Variants in MMRN1 observed in about 807,000 individuals in gnomAD.
The protein encoded by MMRN1 is multimerin 1, also known as multimerin-1.
MMRN1 carries 94 observed loss-of-function variants against 100.7 expected under a neutral mutation model. The observed-to-expected ratio is 0.93, with a 90% CI of 0.79 to 1.11. The LOEUF (loss-of-function observed/expected upper bound fraction) is 1.11, where lower values mean the gene tolerates loss of function less well. MMRN1 is among the 50% of genes least tolerant of loss of function. MMRN1 has a pLI of 0.00. For missense variants in MMRN1, 1,606 were observed against 1,439.1 expected, an observed-to-expected ratio of 1.12 and a Z score of -1.88; for synonymous variants, 575 against 505.0, an observed-to-expected ratio of 1.14 and a Z score of -1.86.
chr4:89,909,424 T>C (rs773323324), intron 2 of MMRN1, 29 bp downstream of exon 2: 3 of 1,604,160 alleles, frequency 1.9e-6, no homozygotes, highest in South Asian at 1.1e-5. Flanking sequence ...AAATAGCCAC[T>C]GTTTTTGCAC....
upstream of MMRN1, among the ~76,000 whole-genome samples, chr4:89,892,436 T>C (rs1403017429): frequency 1.3e-5 from 2 of 151,640 alleles, no homozygotes; most frequent in Non-Finnish European, 3.0e-5. Flanking sequence ...CAGCCAGTCA[T>C]CTCAGCAATA....
At chr4:89,933,158 A>C (rs1018136252) in intron 5 of MMRN1, among the ~76,000 whole-genome samples, 1 of 152,096 alleles carries the variant, frequency 6.6e-6, no homozygotes, top group African/African-American at 2.4e-5. Context: ...AGTTCCACAG[A>C]TCTCTAGGGC....
At chr4:89,929,223 T>C (rs1206526109) in intron 5 of MMRN1, among the ~76,000 whole-genome samples, 1 of 152,170 alleles carries the variant, frequency 6.6e-6, no homozygotes, top group African/African-American at 2.4e-5. Flanking sequence ...GCTTTATTCA[T>C]TAAAAAACTC....
At chr4:89,944,552 A>G (rs190045013) in intron 6 of MMRN1, among the ~76,000 whole-genome samples, 11 of 152,308 alleles carry the variant, frequency 7.2e-5, no homozygotes, top group Admixed American at 5.2e-4. Flanking sequence ...GCGTGCAGTT[A>G]TATCTCATTG....
At chr4:89,903,023 C>G (rs1168393353) in intron 1 of MMRN1, among the ~76,000 whole-genome samples, 2 of 151,828 alleles carry the variant, frequency 1.3e-5, no homozygotes, top group Non-Finnish European at 2.9e-5. Flanking sequence ...TTGAGATGAA[C>G]TTGTCTTTTG....
intron 6 of MMRN1, among the ~76,000 whole-genome samples, chr4:89,946,382 T>C (rs949515076): frequency 6.6e-6 from 1 of 152,216 alleles, no homozygotes. Context: ...ACAATGTTAC[T>C]GTTTACATGA....
At chr4:89,952,479 C>T (rs1230511374) in intron 7 of MMRN1, among the ~76,000 whole-genome samples, 2 of 152,112 alleles carry the variant, frequency 1.3e-5, no homozygotes, top group South Asian at 2.1e-4. Flanking sequence ...TTTGTAAGTA[C>T]AATTGGCATT....
intron 1 of MMRN1, among the ~76,000 whole-genome samples, chr4:89,898,080 T>A (rs915813624): frequency 6.6e-6 from 1 of 152,144 alleles, no homozygotes; most frequent in African/African-American, 2.4e-5. Flanking sequence ...CATTAGGCCA[T>A]GCAAATGACA....
chr4:89,934,764 TCTC>T, intron 5 of MMRN1, 43 bp from the exon 6 acceptor site: 1 of 1,120,280 alleles, frequency 8.9e-7, no homozygotes, highest in South Asian at 2.4e-5. Context: ...ATGCTTAAAG[TCTC>T]ATATAATTAA....
intron 4 of MMRN1, among the ~76,000 whole-genome samples, chr4:89,924,553 A>G (rs1334276482): frequency 2.6e-5 from 4 of 151,552 alleles, no homozygotes. Flanking sequence ...TAAAAATTTA[A>G]GTGATTTTAA....
chr4:89,944,930 A>G (rs1722941508), intron 6 of MMRN1, among the ~76,000 whole-genome samples: 1 of 152,178 alleles, frequency 6.6e-6, no homozygotes, highest in Non-Finnish European at 1.5e-5. Context: ...TGACAAATAC[A>G]TAGTCGTATA....
chr4:89,919,909 G>C (rs1722035522), intron 3 of MMRN1, among the ~76,000 whole-genome samples: 1 of 152,096 alleles, frequency 6.6e-6, no homozygotes, highest in African/African-American at 2.4e-5. Flanking sequence ...CTATTCAGAA[G>C]TTGTAGCAAA....
intron 3 of MMRN1, among the ~76,000 whole-genome samples, chr4:89,916,120 G>C (rs111549545): frequency 2.0e-5 from 3 of 151,540 alleles, no homozygotes; most frequent in Non-Finnish European, 4.4e-5. Context: ...GTTAAATCCC[G>C]TGTAATAAAT....
chr4:89,924,988 C>T (rs1441197554), intron 4 of MMRN1, among the ~76,000 whole-genome samples: 2 of 152,080 alleles, frequency 1.3e-5, no homozygotes, highest in Non-Finnish European at 1.5e-5. Context: ...TCCATCCCCT[C>T]AAGCATTTAT....
In MMRN1 at chr4:89,953,557, T is replaced by C. The variant is rs909843290; in HGVS notation, c.*139T>C. On this transcript the variant is annotated 3_prime_UTR_variant, in exon 8 of 8. Coordinates refer to ENST00000264790, the MANE Select transcript of MMRN1 (RefSeq NM_007351.3). ...TGTTTTTTTAATATGAGTAAACTTG[T>C]ATGTCTATTTTATAAAATTATTTGA... is the stretch of plus-strand genomic sequence containing the variant. 1.7e-6 allele frequency: 1 copy of C among 597,134 alleles called. No individual in the cohort carries two copies. The highest frequency in any genetic ancestry group is 1.9e-5 in the African/African-American group (1 of 52,624). The allele number at this position is 597,134 out of a possible 1,614,324, so 37.0% of individuals were successfully genotyped here.
chr4:89,952,011 C>T (rs1366865797), intron 7 of MMRN1, among the ~76,000 whole-genome samples: 1 of 151,944 alleles, frequency 6.6e-6, no homozygotes, highest in African/African-American at 2.4e-5. Flanking sequence ...AATTCTACCC[C>T]CTCACAAACT....
At chr4:89,933,761 T>C (rs1163975291) in intron 5 of MMRN1, among the ~76,000 whole-genome samples, 4 of 152,080 alleles carry the variant, frequency 2.6e-5, no homozygotes, top group Non-Finnish European at 4.4e-5. Flanking sequence ...TCTCACAACA[T>C]GTGGGGATTA....
At chr4:89,921,312 G>T (rs760876960) in intron 3 of MMRN1, among the ~76,000 whole-genome samples, 10 of 151,998 alleles carry the variant, frequency 6.6e-5, no homozygotes, top group Non-Finnish European at 1.0e-4. Flanking sequence ...TCTAAGGTGG[G>T]ACTCTAGAAG....
chr4:89,911,779 T>C (rs900975433), intron 2 of MMRN1, among the ~76,000 whole-genome samples, 165 bp from the exon 3 acceptor site: 5 of 151,342 alleles, frequency 3.3e-5, no homozygotes, highest in African/African-American at 1.2e-4. Flanking sequence ...GAAACCTAAG[T>C]TAGGCAATAA....
Sources: gnomAD v4.1 joint callset for allele counts (sites outside exome capture counted in the v4.1 genomes callset) on GRCh38, gnomAD v4.1.1 for gene constraint, MANE v1.5 for transcripts, NCBI Gene and HGNC (gene_info 2026-07-23, HGNC 2026-07-21) for gene names.